Variants in HAUS6 observed in about 807,000 individuals in gnomAD.
HAUS6 encodes HAUS augmin-like complex subunit 6.
In HAUS6, 80 loss-of-function variants were observed where a neutral mutation model predicts 106.8. The observed-to-expected ratio is 0.75, with a 90% CI of 0.63 to 0.90. The LOEUF (loss-of-function observed/expected upper bound fraction) is 0.90, where lower values mean the gene tolerates loss of function less well. HAUS6 is among the 40% of genes least tolerant of loss of function. The pLI, the probability that HAUS6 is intolerant of heterozygous loss-of-function variation, is 0.00. For synonymous variants in HAUS6, 356 were observed against 379.1 expected (o/e 0.94, Z 0.71); for missense variants, 1,155 against 1,118.1 (o/e 1.03, Z -0.47).
chr9:19,087,110 A>G lies in HAUS6; in HGVS notation c.631T>C (p.Leu211=), dbSNP rs746765873. The change falls in exon 6 of 17, where the codon TTG becomes CTG. Residue 211 remains leucine, a synonymous_variant. Coordinates refer to ENST00000380502, the MANE Select transcript of HAUS6 (RefSeq NM_017645.5). ...ACTTACTTCTTTATTTGGTTTTCCA[A>G]TCCTATACATTCAGATCTCAAGTTT... ...VRNLRSECIG[L]ENQIKKMEPY... is the part of the protein sequence containing the mutation. The G allele has an allele frequency of 3.7e-5, 56 of 1,525,572 alleles. No homozygotes were observed. The highest frequency in any genetic ancestry group is 4.1e-5 in the Non-Finnish European group (45 of 1,100,062). The allele number at this position is 1,525,572 out of a possible 1,614,324, so 94.5% of individuals were successfully genotyped here. A position where few individuals can be genotyped will look rare whatever the true frequency, so the allele number is the denominator to read the frequency against.
At chr9:19,063,669 G>GT in intron 12 of HAUS6, 89 bp from the exon 13 acceptor site, 1 of 885,722 alleles carries the variant, frequency 1.1e-6, no homozygotes, top group East Asian at 2.4e-5. Flanking sequence ...TGTCTGCCCC[G>GT]TATCTGTCCG....
At chr9:19,088,793 G>A (rs776074297) in intron 5 of HAUS6, among the ~76,000 whole-genome samples, 6 of 150,680 alleles carry the variant, frequency 4.0e-5, no homozygotes, top group African/African-American at 7.4e-5. Flanking sequence ...CAGGAGAATC[G>A]TTTGAACCCA....
chr9:19,060,283 A>G, intron 14 of HAUS6, 60 bp from the exon 15 acceptor site: 1 of 1,330,776 alleles, frequency 7.5e-7, no homozygotes, highest in Non-Finnish European at 1.0e-6. Flanking sequence ...GAATGCAACA[A>G]AACCCCTGAT....
At chr9:19,084,346 G>A (rs113537578) in intron 7 of HAUS6, among the ~76,000 whole-genome samples, 2 of 152,294 alleles carry the variant, frequency 1.3e-5, no homozygotes, top group African/African-American at 2.4e-5. Context: ...TGAGGGCACT[G>A]TTTCCCCGTG....
At position 19,064,585 on chromosome 9, in the gene HAUS6, TTACTATA is replaced by T. The variant is rs1412833125; in HGVS notation, c.1377-1012_1377-1006del. 2.6e-4 allele frequency among the ~76,000 whole-genome samples: 39 copies of T among 152,332 alleles called. 1 individual carries two copies. The highest frequency in any genetic ancestry group is 8.4e-4 in the African/African-American group (35 of 41,584). The stretch of plus-strand genomic sequence containing the variant: ...AAAGCCTAAAGCTTTTCTACTCTAG[TTACTATA>T]AGACAGGATTATCAAAGACTGCTTT... On this transcript the variant is annotated intron_variant, in intron 12 of 16. Transcript: ENST00000380502.
chr9:19,100,201 A>G (rs1371087175), intron 1 of HAUS6, among the ~76,000 whole-genome samples: 1 of 152,194 alleles, frequency 6.6e-6, no homozygotes, highest in Non-Finnish European at 1.5e-5. Context: ...CTCAAAAAAA[A>G]AAGAATTAAA....
rs34337710 is a variant in HAUS6, at chr9:19,092,291, TAAA to T, written c.436+877_436+879del. Among the ~76,000 whole-genome samples the T allele has an allele frequency of 2.0e-5, 3 of 146,382 alleles. No individual in the cohort carries two copies. The Admixed American group carries it at 2.1e-4, about 10-fold the overall frequency. The stretch of plus-strand genomic sequence containing the variant: ...GGGAAATATGGTGTAACCCTGGTAT[TAAA>T]AAAAAAAAACAACAACAAAAGGCCT... On this transcript the variant is annotated intron_variant, in intron 4 of 16. Transcript: ENST00000380502.
chr9:19,101,821 G>C (rs1817994707), intron 1 of HAUS6, among the ~76,000 whole-genome samples: 1 of 152,168 alleles, frequency 6.6e-6, no homozygotes, highest in Non-Finnish European at 1.5e-5. Context: ...TCGGGAGGCT[G>C]AGGCAGGAGA....
chr9:19,088,842 C>T (rs1354570841), intron 5 of HAUS6, among the ~76,000 whole-genome samples: 4 of 152,116 alleles, frequency 2.6e-5, no homozygotes, highest in African/African-American at 7.2e-5. Context: ...TGCACTACTG[C>T]ACTCAAGCCT....
intron 1 of HAUS6, among the ~76,000 whole-genome samples, chr9:19,097,486 A>G (rs941906772): frequency 6.6e-6 from 1 of 152,032 alleles, no homozygotes; most frequent in African/African-American, 2.4e-5. Context: ...GCAGCCAAAA[A>G]ACACATGAAA....
intron 11 of HAUS6, among the ~76,000 whole-genome samples, chr9:19,071,849 C>T (rs1014044028): frequency 6.6e-6 from 1 of 151,890 alleles, no homozygotes. Context: ...GGATTACAGG[C>T]GTGAGCCACC....
At chr9:19,059,499 A>AT (rs1352677975) in intron 15 of HAUS6, among the ~76,000 whole-genome samples, 1 of 152,290 alleles carries the variant, frequency 6.6e-6, no homozygotes, top group African/African-American at 2.4e-5. Flanking sequence ...TTCATAGGCT[A>AT]TAGTTTGCTG....
At chr9:19,067,708 G>A (rs866363669) in intron 12 of HAUS6, among the ~76,000 whole-genome samples, 48 of 152,022 alleles carry the variant, frequency 3.2e-4, no homozygotes, top group African/African-American at 1.1e-3. Context: ...TTCTTTTTCA[G>A]ATAGAGTTTC....
chr9:19,098,472 TTATATC>T (rs975491409), intron 1 of HAUS6, among the ~76,000 whole-genome samples: 17 of 151,780 alleles, frequency 1.1e-4, no homozygotes, highest in African/African-American at 4.1e-4. Context: ...AAGGGAAAAT[TTATATC>T]TATTCTCTTC....
At chr9:19,075,403 T>C (rs1271857464) in intron 11 of HAUS6, among the ~76,000 whole-genome samples, 2 of 152,200 alleles carry the variant, frequency 1.3e-5, no homozygotes, top group African/African-American at 2.4e-5. Flanking sequence ...TCTCAACAAA[T>C]CTGATTTTTA....
At chr9:19,074,946 T>C (rs143183288) in intron 11 of HAUS6, among the ~76,000 whole-genome samples, 1 of 152,304 alleles carries the variant, frequency 6.6e-6, no homozygotes, top group East Asian at 1.9e-4. Flanking sequence ...AGAATGTTTA[T>C]AGAAGCATTA....
At chr9:19,088,528 A>C (rs1817677324) in intron 5 of HAUS6, among the ~76,000 whole-genome samples, 1 of 152,168 alleles carries the variant, frequency 6.6e-6, no homozygotes, top group Non-Finnish European at 1.5e-5. Flanking sequence ...ACAACTTTAA[A>C]ATATATTTCC....
intron 12 of HAUS6, among the ~76,000 whole-genome samples, chr9:19,065,576 C>T (rs1489311230): frequency 1.3e-5 from 2 of 152,310 alleles, no homozygotes; most frequent in East Asian, 1.9e-4. Flanking sequence ...CGCGGTGGCT[C>T]ACGCCTGTAA....
At chr9:19,062,814 C>T (rs1190000458) in intron 14 of HAUS6, among the ~76,000 whole-genome samples, 194 bp downstream of exon 14, 4 of 152,120 alleles carry the variant, frequency 2.6e-5, no homozygotes, top group African/African-American at 9.7e-5. Context: ...TTCAGAGACA[C>T]GCCCCCATGC....
Sources: gnomAD v4.1 joint callset for allele counts (sites outside exome capture counted in the v4.1 genomes callset) on GRCh38, gnomAD v4.1.1 for gene constraint, MANE v1.5 for transcripts, NCBI Gene and HGNC (gene_info 2026-07-23, HGNC 2026-07-21) for gene names.